SLMAP: variants seen among roughly 807,000 people sequenced by gnomAD.
The protein encoded by SLMAP is sarcolemma associated protein, also known as sarcolemmal membrane-associated protein.
SLMAP carries 44 observed loss-of-function variants against 128.8 expected under a neutral mutation model. The observed-to-expected ratio is 0.34, with a 90% CI of 0.27 to 0.44. SLMAP has a LOEUF of 0.44. Among genes scored for constraint, SLMAP ranks in the 20% least tolerant of loss-of-function variants. The pLI is 1.00. For synonymous variants in SLMAP, 327 were observed against 348.8 expected (o/e 0.94, Z 0.70); for missense variants, 787 against 985.3 (o/e 0.80, Z 2.69).
intron 2 of SLMAP, among the ~76,000 whole-genome samples, chr3:57,769,536 C>G (rs2153442064): frequency 6.6e-6 from 1 of 152,170 alleles, no homozygotes; most frequent in South Asian, 2.1e-4. Flanking sequence ...TGTTGCCCGG[C>G]TGGTCTCAAA....
Position 57,913,249 on chromosome 3 carries a change from G to A in SLMAP, c.2112G>A (p.Leu704=), listed in dbSNP as rs1397769344. ...KRENVLLSSE[L]QRQEKELHNS... Reference sequence around the variant, plus strand: ...AAAATGTTTTGCTATCATCAGAACTGCAACGGCAAGAAAAAGAATTGCACA... The same window carrying A: ...AAAATGTTTTGCTATCATCAGAACTACAACGGCAAGAAAAAGAATTGCACA... Residue 704 remains leucine, a synonymous_variant, in exon 21 of 25, where the codon CTG becomes CTA. Transcript: ENST00000671191. The A allele has an allele frequency of 6.4e-7, 1 of 1,567,348 alleles. No homozygotes were observed. Among genetic ancestry groups the A allele is most frequent in the Non-Finnish European group, 8.7e-7 (1 of 1,144,770 alleles).
intron 17 of SLMAP, among the ~76,000 whole-genome samples, chr3:57,906,318 T>TTTTTTTC (rs1559513170): frequency 1.7e-5 from 2 of 120,168 alleles, no homozygotes; most frequent in Non-Finnish European, 3.4e-5. Context: ...TTCTTTTTTT[T>TTTTTTTC]TTTTTTTTTT....
chr3:57,821,362 A>G (rs1339205088), intron 2 of SLMAP, among the ~76,000 whole-genome samples: 1 of 152,150 alleles, frequency 6.6e-6, no homozygotes, highest in African/African-American at 2.4e-5. Flanking sequence ...CGTTCGGGTA[A>G]TATATTGGCA....
chr3:57,890,437 T>C (rs989047006), intron 15 of SLMAP: 5 of 200,086 alleles, frequency 2.5e-5, no homozygotes, highest in African/African-American at 1.2e-4. Context: ...TCAAACACAA[T>C]GTAAGTCGTT....
At chr3:57,812,825 CT>C (rs899712867) in intron 2 of SLMAP, among the ~76,000 whole-genome samples, 8 of 149,830 alleles carry the variant, frequency 5.3e-5, no homozygotes, top group African/African-American at 9.8e-5. Context: ...TAAATTTTTC[CT>C]TTTTTTTTCT....
intron 18 of SLMAP, 93 bp from the exon 19 acceptor site, chr3:57,908,983 G>C (rs893734532): frequency 8.4e-6 from 7 of 830,060 alleles, no homozygotes; most frequent in Non-Finnish European, 1.4e-5. Flanking sequence ...AATCTTTTAG[G>C]AGAGAATTTT....
intron 15 of SLMAP, among the ~76,000 whole-genome samples, chr3:57,893,383 CA>C (rs2096146112): frequency 6.7e-6 from 1 of 149,520 alleles, no homozygotes; most frequent in South Asian, 2.1e-4. Context: ...GCAGTTGTGC[CA>C]CTGTGCTCCA....
At chr3:57,852,859 G>T (rs1256753957) in intron 6 of SLMAP, among the ~76,000 whole-genome samples, 1 of 152,096 alleles carries the variant, frequency 6.6e-6, no homozygotes, top group East Asian at 1.9e-4. Context: ...ATCCTCTGCT[G>T]TTCCTTTTCT....
chr3:57,780,153 C>CT (rs1031318234), intron 2 of SLMAP, among the ~76,000 whole-genome samples: 84 of 145,512 alleles, frequency 5.8e-4, no homozygotes, highest in South Asian at 6.5e-4. Context: ...CCCCTCCCTT[C>CT]TTTTTTTTTT....
At chr3:57,853,960 TATATATA>T (rs2094613970) in intron 6 of SLMAP, among the ~76,000 whole-genome samples, 32 of 59,796 alleles carry the variant, frequency 5.4e-4, no homozygotes, top group Non-Finnish European at 9.3e-4. Context: ...AAAAATTATA[TATATATA>T]TATATATATA....
chr3:57,921,100 G>T (rs902987777), intron 22 of SLMAP, among the ~76,000 whole-genome samples: 1 of 152,064 alleles, frequency 6.6e-6, no homozygotes, highest in Non-Finnish European at 1.5e-5. Context: ...TCTGTTCTTT[G>T]ACTGTGAGCC....
intron 2 of SLMAP, among the ~76,000 whole-genome samples, chr3:57,778,949 ATACT>A (rs1282593549): frequency 6.6e-6 from 1 of 152,110 alleles, no homozygotes; most frequent in Non-Finnish European, 1.5e-5. Context: ...TCCTAGGTAT[ATACT>A]CTAGGAAATT....
chr3:57,906,300 C>CTTTTTT (rs112949836), intron 17 of SLMAP, among the ~76,000 whole-genome samples: 18 of 71,262 alleles, frequency 2.5e-4, no homozygotes, highest in Non-Finnish European at 4.5e-4. Context: ...AAATTTTTTT[C>CTTTTTT]TTTTTTTTTC....
At chr3:57,804,951 T>A (rs916683147) in intron 2 of SLMAP, among the ~76,000 whole-genome samples, 7 of 152,204 alleles carry the variant, frequency 4.6e-5, no homozygotes. Flanking sequence ...TAGGTTCTGC[T>A]AATTTTCAAA....
chr3:57,885,711 G>A (rs1421484292), intron 14 of SLMAP, among the ~76,000 whole-genome samples: 1 of 149,838 alleles, frequency 6.7e-6, no homozygotes, highest in Non-Finnish European at 1.5e-5. Flanking sequence ...GAGCTACCGC[G>A]CCCGGCCATC....
At chr3:57,801,883 T>C (rs1299413649) in intron 2 of SLMAP, among the ~76,000 whole-genome samples, 2 of 152,146 alleles carry the variant, frequency 1.3e-5, no homozygotes, top group South Asian at 2.1e-4. Flanking sequence ...GTTTCTTTTA[T>C]GGTACTCTTG....
intron 17 of SLMAP, among the ~76,000 whole-genome samples, chr3:57,904,198 A>G (rs188945397): frequency 1.3e-5 from 2 of 152,180 alleles, no homozygotes; most frequent in South Asian, 4.1e-4. Flanking sequence ...CTCCACTTCT[A>G]TGATCAAACA....
Position 57,833,115 on chromosome 3 carries a change from C to T in SLMAP, c.346+1585C>T, listed in dbSNP as rs144426031. ...CTCCAAGGAATGTCTGTCTTCTTGGCTTGCATTTCCTAAAGGGAATTATTA... is the reference window on the plus strand; with the variant it reads ...CTCCAAGGAATGTCTGTCTTCTTGGTTTGCATTTCCTAAAGGGAATTATTA... On this transcript the variant is annotated intron_variant, in intron 3 of 24. Transcript: ENST00000671191. 3.1e-3 allele frequency among the ~76,000 whole-genome samples: 474 copies of T among 152,280 alleles called. 1 individual carries two copies. Among genetic ancestry groups the T allele is most frequent in the African/African-American group, 0.011 (437 of 41,544 alleles).
At chr3:57,902,249 G>A (rs2096403443) in intron 17 of SLMAP, 1 of 151,882 alleles carries the variant, frequency 6.6e-6, no homozygotes, top group South Asian at 2.1e-4. Context: ...ACATTTTAGA[G>A]TTTTTTTATA....
Sources: gnomAD v4.1 joint callset for allele counts (sites outside exome capture counted in the v4.1 genomes callset) on GRCh38, gnomAD v4.1.1 for gene constraint, MANE v1.5 for transcripts, NCBI Gene and HGNC (gene_info 2026-07-23, HGNC 2026-07-21) for gene names.